The following RECK variants were observed in gnomAD, a reference collection of about 807,000 sequenced individuals.
RECK encodes the protein reversion-inducing cysteine-rich protein with Kazal motifs.
Under a neutral mutation model 115.1 loss-of-function variants are expected in RECK, and 69 were observed. That is an observed-to-expected ratio of 0.60 (90% CI 0.49 to 0.73). The LOEUF (loss-of-function observed/expected upper bound fraction) is 0.73. Ranked by LOEUF, RECK falls within the 30% of genes least tolerant of loss-of-function variation. The pLI is 0.00. For missense variants in RECK, 1,047 were observed against 1,203.7 expected (o/e 0.87, Z 1.93); for synonymous variants, 414 against 419.7 (o/e 0.99, Z 0.17).
intron 13 of RECK, among the ~76,000 whole-genome samples, chr9:36,106,188 G>A (rs1338088874): frequency 1.6e-4 from 23 of 145,754 alleles, no homozygotes; most frequent in African/African-American, 3.9e-4. Flanking sequence ...CCAGCCTGCC[G>A]GACAGAGCCA....
intron 6 of RECK, among the ~76,000 whole-genome samples, chr9:36,071,296 A>G (rs1822220650): frequency 6.6e-6 from 1 of 152,212 alleles, no homozygotes; most frequent in African/African-American, 2.4e-5. Flanking sequence ...TCTTTCTTGA[A>G]TGTCACAATA....
intron 1 of RECK, among the ~76,000 whole-genome samples, chr9:36,045,612 T>TA (rs397765018): frequency 5.0e-4 from 75 of 151,446 alleles, no homozygotes; most frequent in African/African-American, 1.4e-3. Context: ...TTTTTTTTTT[T>TA]AGGAAACAAG....
In RECK at chr9:36,120,714, A is replaced by G. The variant is rs1307406097; in HGVS notation, c.2516A>G (p.Glu839Gly). The stretch of plus-strand genomic sequence containing the variant: ...ATGTTAAGAGTTTTATTTGACAAAG[A>G]AAAACTGGATACTATTGCTAAGGTA... ...AGMLRVLFDK[E>G]KLDTIAKVTN... Residue 839 changes from glutamate (E) to glycine (G), a missense_variant, in exon 19 of 21, where the codon GAA becomes GGA. Physicochemically the swap from Glu to Gly is moderately conservative, Grantham distance 98. Coordinates refer to ENST00000377966, the MANE Select transcript of RECK (RefSeq NM_021111.3). 1 of 1,611,866 alleles carries G rather than the reference A, an allele frequency of 6.2e-7. No homozygotes were observed. The highest frequency in any genetic ancestry group is 8.5e-7 in the Non-Finnish European group (1 of 1,177,896).
Position 36,102,184 on chromosome 9 carries a change from A to AC in RECK, c.1391dup (p.Thr465TyrfsTer3), listed in dbSNP as rs760088104. On this transcript the variant is annotated frameshift_variant, in exon 12 of 21. Coordinates refer to ENST00000377966, the MANE Select transcript of RECK (RefSeq NM_021111.3). LOFTEE classifies it high-confidence loss of function. ...CTGAAAGTATTTGTGAGCTTCTGTC[A>AC]CCTACAGATGATCTGAAGAATTGTA... 6.2e-7 allele frequency: 1 copy of AC among 1,613,688 alleles called. No individual in the cohort carries two copies. The highest frequency in any genetic ancestry group is 2.2e-5 in the East Asian group (1 of 44,868).
intron 5 of RECK, among the ~76,000 whole-genome samples, chr9:36,065,216 G>A (rs1357404636): frequency 9.5e-6 from 1 of 105,664 alleles, no homozygotes; most frequent in Non-Finnish European, 1.9e-5. Flanking sequence ...TTGCTACAGA[G>A]TGGAATTCAG....
intron 6 of RECK, among the ~76,000 whole-genome samples, chr9:36,079,375 C>T: frequency 6.6e-6 from 1 of 152,148 alleles, no homozygotes; most frequent in East Asian, 1.9e-4. Context: ...AGAATATTTA[C>T]TTTTTCACTC....
chr9:36,064,966 A>C (rs906451005), intron 5 of RECK, among the ~76,000 whole-genome samples: 1 of 152,084 alleles, frequency 6.6e-6, no homozygotes, highest in Admixed American at 6.6e-5. Context: ...AAATATGGCA[A>C]ATAGCTTGCT....
At chr9:36,122,648 T>C (rs1182591963) in intron 20 of RECK, among the ~76,000 whole-genome samples, 176 bp from the exon 21 acceptor site, 1 of 152,182 alleles carries the variant, frequency 6.6e-6, no homozygotes, top group Non-Finnish European at 1.5e-5. Flanking sequence ...CTGCTATATT[T>C]ATGTAATAAA....
Position 36,091,352 on chromosome 9 carries a change from A to G in RECK, c.1085+9A>G. ...ACTAATTTTAACAACAGGTAAGACA[A>G]ATTATTATACATGGAATGGAAATAT... On this transcript the variant is annotated intron_variant, in intron 10 of 20. Transcript: ENST00000377966. 1 of 1,456,124 alleles carries G rather than the reference A, an allele frequency of 6.9e-7. No homozygotes were observed. Among genetic ancestry groups the G allele is most frequent in the Non-Finnish European group, 9.1e-7 (1 of 1,095,946 alleles). The allele number at this position is 1,456,124 out of a possible 1,614,324, so 90.2% of individuals were successfully genotyped here.
Position 36,123,293 on chromosome 9 carries a change from A to G in RECK, c.*248A>G, listed in dbSNP as rs1333494336. On this transcript the variant is annotated 3_prime_UTR_variant, in exon 21 of 21. Coordinates refer to ENST00000377966, the MANE Select transcript of RECK (RefSeq NM_021111.3). ...TGTCTCTTCCTGGTAGACCACTGCC[A>G]TATGATTTACATTTCCTCACCATAA... is the stretch of plus-strand genomic sequence containing the variant. 7 of 420,880 alleles carry G rather than the reference A, an allele frequency of 1.7e-5. No individual in the cohort carries two copies. Among genetic ancestry groups the G allele is most frequent in the Non-Finnish European group, 3.0e-5 (7 of 236,748 alleles). 26.1% of individuals were successfully genotyped at this position (420,880 alleles called of 1,614,324 possible).
intron 5 of RECK, among the ~76,000 whole-genome samples, chr9:36,064,905 C>T (rs1365383717): frequency 6.6e-6 from 1 of 151,986 alleles, no homozygotes; most frequent in Non-Finnish European, 1.5e-5. Flanking sequence ...GAAAAACAGC[C>T]ACCCCTCAGC....
intron 1 of RECK, 81 bp downstream of exon 1, chr9:36,037,179 G>A (rs1327103366): frequency 1.0e-6 from 1 of 988,492 alleles, no homozygotes; most frequent in East Asian, 3.4e-5. Flanking sequence ...GGCAGGGGGC[G>A]GGGGTGCGCG....
intron 14 of RECK, 113 bp from the exon 15 acceptor site, chr9:36,109,842 CAA>C (rs35304496): frequency 2.7e-3 from 2,290 of 846,354 alleles, no homozygotes; most frequent in Non-Finnish European, 2.9e-3. Context: ...AGACCCTTCT[CAA>C]AAAAAAAAAA....
chr9:36,055,376 A>G (rs1164172948), intron 2 of RECK, among the ~76,000 whole-genome samples: 3 of 152,138 alleles, frequency 2.0e-5, no homozygotes, highest in African/African-American at 4.8e-5. Flanking sequence ...AAGGGACCCA[A>G]TAGATTATCT....
Position 36,112,337 on chromosome 9 carries a change from C to T in RECK, c.1921C>T (p.Pro641Ser), listed in dbSNP as rs574497977. 3.1e-6 allele frequency: 5 copies of T among 1,613,418 alleles called. No individual in the cohort carries two copies. In the South Asian group the frequency reaches 4.4e-5, roughly 14 times the overall value. ...LPCNCADQFVPVCGQNGRTYP... is the reference protein window; with the variant it reads ...LPCNCADQFVSVCGQNGRTYP... Reference sequence around the variant, plus strand: ...CTGTAACTGTGCAGATCAGTTTGTCCCTGTATGTGGGCAGAATGGGCGCAC... The same window carrying T: ...CTGTAACTGTGCAGATCAGTTTGTCTCTGTATGTGGGCAGAATGGGCGCAC... Residue 641 changes from proline (P) to serine (S), a missense_variant, in exon 16 of 21, where the codon CCT becomes TCT. Physicochemically the swap from Pro to Ser is moderately conservative, Grantham distance 74 (BLOSUM62 -1). Coordinates refer to ENST00000377966, the MANE Select transcript of RECK (RefSeq NM_021111.3).
At chr9:36,089,612 C>G (rs117206658) in intron 9 of RECK, among the ~76,000 whole-genome samples, 2 of 152,074 alleles carry the variant, frequency 1.3e-5, no homozygotes, top group African/African-American at 4.8e-5. Flanking sequence ...GGGTCACAGT[C>G]AAAATGCAGT....
rs535465870 is a variant in RECK at position 36,059,781 on chromosome 9, T to C, written c.235-338T>C. Among the ~76,000 whole-genome samples, 10 of 152,320 alleles carry C rather than the reference T, an allele frequency of 6.6e-5. No individual in the cohort carries two copies. The East Asian group carries it at 1.9e-3, about 29-fold the overall frequency. ...TCTTTAGATATGGTGGCTTATATTA[T>C]GTGAAGGGGAAAATAAGTTGATGAT... On this transcript the variant is annotated intron_variant, in intron 3 of 20. Coordinates refer to ENST00000377966, the MANE Select transcript of RECK (RefSeq NM_021111.3).
chr9:36,116,575 G>A (rs1055463824), intron 16 of RECK, among the ~76,000 whole-genome samples: 2 of 152,180 alleles, frequency 1.3e-5, no homozygotes, highest in South Asian at 2.1e-4. Flanking sequence ...CTATAGGTCT[G>A]TCTGTGCCTG....
intron 17 of RECK, 37 bp from the exon 18 acceptor site, chr9:36,118,720 G>T: frequency 6.3e-7 from 1 of 1,585,646 alleles, no homozygotes; most frequent in South Asian, 1.1e-5. Context: ...GTACAACATA[G>T]ACATTTCCAG....
Sources: allele counts gnomAD v4.1 joint callset (sites outside exome capture counted in the v4.1 genomes callset), GRCh38; gene constraint gnomAD v4.1.1; transcripts MANE v1.5; gene names NCBI Gene and HGNC (gene_info 2026-07-23, HGNC 2026-07-21).